The following TMC1 variants were observed in gnomAD, a reference collection of about 807,000 sequenced individuals.
The protein encoded by TMC1 is transmembrane channel-like protein 1.
TMC1 carries 84 observed loss-of-function variants against 105.8 expected under a neutral mutation model. That is an observed-to-expected ratio of 0.79 (90% CI 0.67 to 0.95). The LOEUF is 0.95. TMC1 is among the 40% of genes least tolerant of loss of function. The pLI is 0.00. For synonymous variants in TMC1, 315 were observed against 311.5 expected (o/e 1.01, Z -0.12); for missense variants, 817 against 914.1 (o/e 0.89, Z 1.37).
intron 12 of TMC1, among the ~76,000 whole-genome samples, chr9:72,761,581 A>T (rs576842430): frequency 6.6e-6 from 1 of 152,208 alleles, no homozygotes; most frequent in East Asian, 1.9e-4. Flanking sequence ...AGGTACATAC[A>T]TTAAATTTTA....
At chr9:72,677,129 TACAC>T (rs71495332) in intron 5 of TMC1, among the ~76,000 whole-genome samples, 45,991 of 145,000 alleles carry the variant, frequency 0.32, 7,228 homozygotes, top group African/African-American at 0.39. Context: ...GAACAGAAAT[TACAC>T]ACACACACAC....
At chr9:72,582,209 A>T (rs6560294) in intron 2 of TMC1, among the ~76,000 whole-genome samples, 3 of 152,014 alleles carry the variant, frequency 2.0e-5, no homozygotes, top group African/African-American at 7.2e-5. Flanking sequence ...CACCCGCCTC[A>T]GTCTCCCAAA....
At chr9:72,743,566 CAAAAAAAA>C (rs386415092) in intron 10 of TMC1, among the ~76,000 whole-genome samples, 1 of 101,742 alleles carries the variant, frequency 9.8e-6, no homozygotes, top group Non-Finnish European at 2.1e-5. Context: ...GACTCTGTTT[CAAAAAAAA>C]AAAAAAAGAA....
chr9:72,577,564 C>A (rs757901033), intron 1 of TMC1, among the ~76,000 whole-genome samples: 5 of 151,594 alleles, frequency 3.3e-5, no homozygotes, highest in Non-Finnish European at 7.3e-5. Context: ...GATCAGCTAA[C>A]CTTTAGGCCA....
At chr9:72,648,736 T>C in intron 5 of TMC1, 72 bp downstream of exon 5, 3 of 1,412,384 alleles carry the variant, frequency 2.1e-6, no homozygotes, top group Middle Eastern at 3.6e-4. Flanking sequence ...TTGAAAACTT[T>C]GGAAAGTTTG....
Position 72,697,156 on chromosome 9 carries a change from G to A in TMC1, c.236+2442G>A, listed in dbSNP as rs538274894. 3.9e-5 allele frequency among the ~76,000 whole-genome samples: 6 copies of A among 152,200 alleles called. No individual in the cohort carries two copies. The South Asian group carries it at 1.2e-3, about 32-fold the overall frequency. ...CTTTCCATACCATAATAATCTCAGA[G>A]GTAGTTGTTATATTTTAGTGTACTT... On this transcript the variant is annotated intron_variant, in intron 7 of 23. Transcript: ENST00000297784.
At chr9:72,666,045 T>G (rs940474361) in intron 5 of TMC1, among the ~76,000 whole-genome samples, 1 of 152,156 alleles carries the variant, frequency 6.6e-6, no homozygotes, top group African/African-American at 2.4e-5. Context: ...CCAGACTACA[T>G]AAATGTTTTA....
intron 20 of TMC1, among the ~76,000 whole-genome samples, chr9:72,821,564 G>A (rs983956068): frequency 2.0e-5 from 3 of 152,028 alleles, no homozygotes; most frequent in Admixed American, 1.3e-4. Flanking sequence ...AGGTGACATG[G>A]AGATTCTTAG....
At chr9:72,549,163 G>A (rs1229537454) in intron 1 of TMC1, among the ~76,000 whole-genome samples, 2 of 152,196 alleles carry the variant, frequency 1.3e-5, no homozygotes, top group African/African-American at 4.8e-5. Flanking sequence ...GTGCTTGCAA[G>A]ACCTGTTATT....
chr9:72,662,416 C>T (rs763783235), intron 5 of TMC1, among the ~76,000 whole-genome samples: 16 of 150,028 alleles, frequency 1.1e-4, no homozygotes, highest in Non-Finnish European at 1.9e-4. Context: ...AGGCTGGTCT[C>T]GAACTCCTGA....
chr9:72,570,384 A>G (rs939423962), intron 1 of TMC1, among the ~76,000 whole-genome samples: 2 of 152,034 alleles, frequency 1.3e-5, no homozygotes, highest in African/African-American at 4.8e-5. Flanking sequence ...AAATATTCAA[A>G]CAAAACAAAT....
chr9:72,606,861 G>C (rs541071462), intron 2 of TMC1, among the ~76,000 whole-genome samples: 2 of 152,058 alleles, frequency 1.3e-5, no homozygotes, highest in Non-Finnish European at 2.9e-5. Flanking sequence ...CAATCTCTCT[G>C]TTCCCTAGTT....
At chr9:72,695,234 AGT>A (rs1442508838) in intron 7 of TMC1, among the ~76,000 whole-genome samples, 3 of 152,210 alleles carry the variant, frequency 2.0e-5, no homozygotes, top group Non-Finnish European at 4.4e-5. Context: ...ATAGAAAGAA[AGT>A]GTGCTAGCCC....
At chr9:72,549,772 G>A (rs66665871) in intron 1 of TMC1, among the ~76,000 whole-genome samples, 8,539 of 152,026 alleles carry the variant, frequency 0.056, 298 homozygotes, top group Middle Eastern at 0.086. Flanking sequence ...CACCATGCCC[G>A]GCTGATTTTT....
At chr9:72,660,356 T>G (rs1398382003) in intron 5 of TMC1, among the ~76,000 whole-genome samples, 1 of 152,218 alleles carries the variant, frequency 6.6e-6, no homozygotes, top group Non-Finnish European at 1.5e-5. Flanking sequence ...TACATTCAGG[T>G]CAGCTGTCCA....
chr9:72,720,639 C>T (rs894363450), intron 8 of TMC1, among the ~76,000 whole-genome samples: 4 of 152,178 alleles, frequency 2.6e-5, no homozygotes, highest in Non-Finnish European at 5.9e-5. Flanking sequence ...TGTGATTAGC[C>T]TGCTGAAATT....
At position 72,570,266 on chromosome 9, in the gene TMC1, G is replaced by GTGTGTGTGT. The variant is rs1564417444; in HGVS notation, c.-427-7635_-427-7634insGTGTGTGTT. Among the ~76,000 whole-genome samples, 21 of 107,154 alleles carry GTGTGTGTGT rather than the reference G, an allele frequency of 2.0e-4. No individual in the cohort carries two copies. The Middle Eastern group carries it at 0.014, about 73-fold the overall frequency. The allele number at this position is 107,154 out of a possible 152,430, so 70.3% of individuals were successfully genotyped here. ...GTGTGTGTGTGTGTGTGTGTGTGTG[G>GTGTGTGTGT]TAAATACTTATATACAAATTTCTTT... On this transcript the variant is annotated intron_variant, in intron 1 of 23. Transcript: ENST00000297784.
rs1276581914 is a variant in TMC1, at chr9:72,798,777, CT to C, written c.1566+6426del. Reference sequence around the variant, plus strand: ...GTGATAAAATAATCTGTACAACAAACTCCCATGACACAAATTTACCTATGTA... The same window carrying C: ...GTGATAAAATAATCTGTACAACAAACCCCATGACACAAATTTACCTATGTA... On this transcript the variant is annotated intron_variant, in intron 17 of 23. Transcript: ENST00000297784. Among the ~76,000 whole-genome samples, 13 of 152,086 alleles carry C rather than the reference CT, an allele frequency of 8.5e-5. No homozygotes were observed. The East Asian group carries it at 2.3e-3, about 27-fold the overall frequency.
chr9:72,822,225 CT>C (rs1828886027), intron 20 of TMC1, among the ~76,000 whole-genome samples: 1 of 152,154 alleles, frequency 6.6e-6, no homozygotes, highest in East Asian at 1.9e-4. Context: ...GCTGTTTCTC[CT>C]TTTCAGTGAA....
Sources: allele counts gnomAD v4.1 joint callset (sites outside exome capture counted in the v4.1 genomes callset), GRCh38; gene constraint gnomAD v4.1.1; transcripts MANE v1.5; gene names NCBI Gene and HGNC (gene_info 2026-07-23, HGNC 2026-07-21).